Variants in SDC2 observed in about 807,000 individuals in gnomAD.
SDC2 encodes the protein syndecan-2.
Under a neutral mutation model 22.2 loss-of-function variants are expected in SDC2, and 13 were observed. The ratio of observed to expected loss-of-function variants is 0.59; its 90% CI spans 0.38 to 0.93. SDC2 has a LOEUF of 0.93. SDC2 is among the 40% of genes least tolerant of loss of function. The pLI is 0.00. For missense variants in SDC2, 235 were observed against 246.8 expected, an observed-to-expected ratio of 0.95 and a Z score of 0.32; for synonymous variants, 94 against 92.8, an observed-to-expected ratio of 1.01 and a Z score of -0.07.
chr8:96,583,015 T>C (rs1563670256), intron 1 of SDC2, among the ~76,000 whole-genome samples: 1 of 151,130 alleles, frequency 6.6e-6, no homozygotes, highest in Non-Finnish European at 1.5e-5. Flanking sequence ...GGATCAGGAG[T>C]GGCCCAAGCA....
intron 2 of SDC2, among the ~76,000 whole-genome samples, chr8:96,599,454 G>A (rs113090912): frequency 4.6e-5 from 7 of 152,218 alleles, no homozygotes; most frequent in African/African-American, 1.7e-4. Flanking sequence ...AACAAATTAA[G>A]CATATTATAT....
chr8:96,593,624 T>C (rs781627573), intron 2 of SDC2, 33 bp downstream of exon 2: 5 of 1,339,436 alleles, frequency 3.7e-6, no homozygotes, highest in African/African-American at 2.9e-5. Flanking sequence ...CTGGACCTCA[T>C]TCTCCAGGCA....
At chr8:96,570,762 T>C (rs1814380530) in intron 1 of SDC2, among the ~76,000 whole-genome samples, 1 of 152,202 alleles carries the variant, frequency 6.6e-6, no homozygotes, top group Admixed American at 6.5e-5. Context: ...ATTTTAAGTG[T>C]TCATACGTTG....
At chr8:96,531,358 A>C (rs925443476) in intron 1 of SDC2, among the ~76,000 whole-genome samples, 2 of 152,206 alleles carry the variant, frequency 1.3e-5, no homozygotes, top group Non-Finnish European at 2.9e-5. Flanking sequence ...TACCTCTGCC[A>C]TATTGTATAT....
chr8:96,542,420 G>T (rs971611995), intron 1 of SDC2, among the ~76,000 whole-genome samples: 1 of 152,186 alleles, frequency 6.6e-6, no homozygotes, highest in African/African-American at 2.4e-5. Context: ...ATGAGGATGA[G>T]GCTCTGAAGT....
At position 96,593,505 on chromosome 8, in the gene SDC2, A is replaced by G. The variant is rs565469070; in HGVS notation, c.86A>G (p.Asp29Gly). The G allele has an allele frequency of 7.4e-6, 12 of 1,613,696 alleles. 1 individual carries two copies. The Admixed American group carries it at 1.8e-4, about 25-fold the overall frequency. Residue 29 changes from aspartate (D) to glycine (G), a missense_variant, in exon 2 of 5, where the codon GAC becomes GGC. By Grantham distance (94) the Asp-to-Gly change is moderately conservative. Coordinates refer to ENST00000302190, the MANE Select transcript of SDC2 (RefSeq NM_002998.4). ...AGAGCAGAGCTGACATCTGATAAAG[A>G]CATGTACCTTGACAACAGCTCCATT... ...ESRAELTSDK[D>G]MYLDNSSIEE...
intron 1 of SDC2, among the ~76,000 whole-genome samples, chr8:96,524,741 C>T (rs1369838058): frequency 1.3e-5 from 2 of 152,208 alleles, no homozygotes; most frequent in Admixed American, 1.3e-4. Context: ...CTCCTTTTTT[C>T]TCCTTTCCAA....
chr8:96,554,530 C>G (rs1386386663), intron 1 of SDC2, among the ~76,000 whole-genome samples: 1 of 152,120 alleles, frequency 6.6e-6, no homozygotes, highest in African/African-American at 2.4e-5. Context: ...TTGCTGAACA[C>G]TTTATCTTTG....
intron 1 of SDC2, among the ~76,000 whole-genome samples, chr8:96,532,787 C>G (rs1813687269): frequency 6.6e-6 from 1 of 152,130 alleles, no homozygotes; most frequent in South Asian, 2.1e-4. Context: ...TCTGATGGGT[C>G]TTCTAGGTTG....
At chr8:96,563,727 G>C (rs1349324568) in intron 1 of SDC2, among the ~76,000 whole-genome samples, 1 of 152,184 alleles carries the variant, frequency 6.6e-6, no homozygotes, top group East Asian at 1.9e-4. Context: ...ATTCATTGGA[G>C]GCCATTGGTT....
At chr8:96,539,694 G>A (rs1813813938) in intron 1 of SDC2, among the ~76,000 whole-genome samples, 1 of 152,194 alleles carries the variant, frequency 6.6e-6, no homozygotes, top group Non-Finnish European at 1.5e-5. Context: ...GCAATATGAC[G>A]TGAATTTAAT....
chr8:96,538,176 G>T (rs1813784978), intron 1 of SDC2, among the ~76,000 whole-genome samples: 1 of 152,064 alleles, frequency 6.6e-6, no homozygotes, highest in African/African-American at 2.4e-5. Context: ...TGGTCAGGCT[G>T]GTCTTGAACT....
Position 96,593,544 on chromosome 8 carries a change from G to T in SDC2, c.125G>T (p.Gly42Val). The change falls in exon 2 of 5, where the codon GGA becomes GTA. Residue 42 changes from glycine to valine, a missense_variant. Transcript: ENST00000302190. The part of the protein sequence containing the change: ...LDNSSIEEAS[G>V]VYPIDDDDYA... ...AACAGCTCCATTGAAGAAGCTTCAG[G>T]AGTGTATCCTATTGATGACGATGAC... The T allele has an allele frequency of 6.2e-7, 1 of 1,614,118 alleles. No individual in the cohort carries two copies. The highest frequency in any genetic ancestry group is 8.5e-7 in the Non-Finnish European group (1 of 1,179,970).
chr8:96,583,521 G>C (rs1037345902), intron 1 of SDC2, among the ~76,000 whole-genome samples: 2 of 150,660 alleles, frequency 1.3e-5, no homozygotes, highest in African/African-American at 4.9e-5. Context: ...TATCGGTCTT[G>C]TGCTTTCTGT....
At chr8:96,519,837 A>C (rs1300289974) in intron 1 of SDC2, among the ~76,000 whole-genome samples, 6 of 152,070 alleles carry the variant, frequency 3.9e-5, no homozygotes. Flanking sequence ...TTTGTTGGCC[A>C]AGCTGGTCTT....
At chr8:96,498,959 C>T (rs1026510276) in intron 1 of SDC2, among the ~76,000 whole-genome samples, 1 of 152,202 alleles carries the variant, frequency 6.6e-6, no homozygotes. Context: ...TTGTCCTCCA[C>T]CACTTTGATC....
At chr8:96,566,601 T>A (rs1814302810) in intron 1 of SDC2, among the ~76,000 whole-genome samples, 1 of 151,960 alleles carries the variant, frequency 6.6e-6, no homozygotes, top group African/African-American at 2.4e-5. Flanking sequence ...CATATATACA[T>A]AACAAAGGAA....
At chr8:96,567,927 G>A (rs915914465) in intron 1 of SDC2, among the ~76,000 whole-genome samples, 2 of 152,096 alleles carry the variant, frequency 1.3e-5, no homozygotes, top group African/African-American at 4.8e-5. Context: ...TCACTTTTTG[G>A]AAGAGGAAAC....
At chr8:96,536,332 T>C (rs1343383421) in intron 1 of SDC2, among the ~76,000 whole-genome samples, 1 of 152,040 alleles carries the variant, frequency 6.6e-6, no homozygotes, top group Non-Finnish European at 1.5e-5. Flanking sequence ...TTTTATTTTA[T>C]TATTTTGAGA....
Sources: allele counts gnomAD v4.1 joint callset (sites outside exome capture counted in the v4.1 genomes callset), GRCh38; gene constraint gnomAD v4.1.1; transcripts MANE v1.5; gene names NCBI Gene and HGNC (gene_info 2026-07-23, HGNC 2026-07-21).